Variants in CFAP47 observed in about 807,000 individuals in gnomAD.
CFAP47 encodes cilia- and flagella-associated protein 47.
Under a neutral mutation model 148.1 loss-of-function variants are expected in CFAP47, and 29 were observed. That is an observed-to-expected ratio of 0.20 (90% CI 0.15 to 0.27). The LOEUF (loss-of-function observed/expected upper bound fraction) is 0.27. Ranked by LOEUF, CFAP47 falls within the 10% of genes least tolerant of loss-of-function variation. The pLI, the probability that CFAP47 is intolerant of heterozygous loss-of-function variation, is 1.00. For synonymous variants in CFAP47, 664 were observed against 577.3 expected (o/e 1.15, Z -2.15); for missense variants, 1,872 against 1,697.5 (o/e 1.10, Z -1.81).
In CFAP47 at chrX:36,085,536, C is replaced by T. The variant is rs1569254139; in HGVS notation, c.4914C>T (p.Leu1638=). Reference sequence around the variant, plus strand: ...AACATTCCTCACTTCTGGACTTTCTCAAGTAAGTGCCTGGATGTGCTCATA... The same window carrying T: ...AACATTCCTCACTTCTGGACTTTCTTAAGTAAGTGCCTGGATGTGCTCATA... ...HLQHSSLLDF[L]NAQGGCISHV... The change falls in exon 30 of 64, where the codon CTC becomes CTT. Residue 1638 remains leucine, a splice_region_variant and synonymous_variant. Coordinates refer to ENST00000378653, the MANE Select transcript of CFAP47 (RefSeq NM_001304548.2). 1 of 1,142,295 alleles carries T rather than the reference C, an allele frequency of 8.8e-7. No individual in the cohort carries two copies. Among genetic ancestry groups the T allele is most frequent in the Admixed American group, 2.2e-5 (1 of 45,486 alleles). The allele number at this position is 1,142,295 out of a possible 1,213,427, so 94.1% of individuals were successfully genotyped here. A position where few individuals can be genotyped will look rare whatever the true frequency, so the allele number is the denominator to read the frequency against.
At chrX:35,995,850 G>T (rs1328253515) in intron 18 of CFAP47, among the ~76,000 whole-genome samples, 1 of 111,067 alleles carries the variant, frequency 9.0e-6, no homozygotes, top group East Asian at 2.8e-4. Flanking sequence ...ATTGAATAAA[G>T]GAAAATATAG....
At chrX:36,003,978 T>C (rs903823698) in intron 21 of CFAP47, among the ~76,000 whole-genome samples, 4 of 95,471 alleles carry the variant, frequency 4.2e-5, no homozygotes, top group African/African-American at 8.0e-5. Context: ...TTTTTTTTTT[T>C]TTTTTTTTTT....
chrX:36,179,320 A>C, intron 39 of CFAP47, 25 bp from the exon 40 acceptor site: 1 of 296,014 alleles, frequency 3.4e-6, no homozygotes, highest in Non-Finnish European at 5.9e-6. Context: ...TCAATTAAAA[A>C]TAATTATTTC....
intron 49 of CFAP47, among the ~76,000 whole-genome samples, chrX:36,262,376 C>A (rs186885049): frequency 9.0e-6 from 1 of 111,562 alleles, no homozygotes; most frequent in Non-Finnish European, 1.9e-5. Context: ...CCCCCACTAC[C>A]CTTCCCAGCC....
At chrX:35,963,610 A>G (rs1444192916) in intron 8 of CFAP47, among the ~76,000 whole-genome samples, 4 of 110,818 alleles carry the variant, frequency 3.6e-5, no homozygotes, top group African/African-American at 1.3e-4. Context: ...CTATTTTTCT[A>G]TTTGTTTTCT....
chrX:36,180,561 C>T (rs1426264129), intron 40 of CFAP47, among the ~76,000 whole-genome samples: 2 of 111,911 alleles, frequency 1.8e-5, no homozygotes, highest in East Asian at 5.6e-4. Flanking sequence ...CATTAGAAAC[C>T]GTTAAAGTGC....
intron 30 of CFAP47, among the ~76,000 whole-genome samples, chrX:36,093,503 G>A (rs1252879185): frequency 9.0e-6 from 1 of 110,984 alleles, no homozygotes; most frequent in African/African-American, 3.3e-5. Flanking sequence ...TTTATCTGTT[G>A]ATCAATGATG....
At chrX:36,348,053 G>A (rs935475520) in intron 57 of CFAP47, 76 bp from the exon 58 acceptor site, 6 of 530,241 alleles carry the variant, frequency 1.1e-5, no homozygotes, top group Non-Finnish European at 1.6e-5. Context: ...ATCAAATTAG[G>A]TGTTTACCTT....
intron 36 of CFAP47, among the ~76,000 whole-genome samples, chrX:36,147,770 C>T (rs1438057706): frequency 8.9e-6 from 1 of 112,417 alleles, no homozygotes. Context: ...TAATCTTTCA[C>T]CAGATTTTCA....
Position 36,236,564 on chromosome X carries a change from A to G in CFAP47, c.7159-122A>G, listed in dbSNP as rs1251917457. Reference sequence around the variant, plus strand: ...AGTTATTTGTGTATTGAAAAAGTCAATGGCTAACACCTCTCTACAAGCTCT... The same window carrying G: ...AGTTATTTGTGTATTGAAAAAGTCAGTGGCTAACACCTCTCTACAAGCTCT... On this transcript the variant is annotated intron_variant, in intron 47 of 63. Transcript: ENST00000378653. The G allele has an allele frequency of 2.0e-5, 8 of 406,968 alleles. No homozygotes were observed. The East Asian group carries it at 3.3e-4, about 17-fold the overall frequency. 33.5% of individuals were successfully genotyped at this position (406,968 alleles called of 1,213,427 possible).
chrX:36,326,357 T>G (rs1941518130), intron 57 of CFAP47, among the ~76,000 whole-genome samples: 1 of 111,079 alleles, frequency 9.0e-6, no homozygotes, highest in Non-Finnish European at 1.9e-5. Context: ...TGATTTGAAT[T>G]GTGCTATAAA....
intron 36 of CFAP47, among the ~76,000 whole-genome samples, chrX:36,145,761 C>T (rs1281045041): frequency 6.4e-5 from 7 of 110,064 alleles, no homozygotes. Context: ...CATATGTGGT[C>T]TTCAAAAGAT....
Position 36,071,922 on chromosome X carries a change from C to T in CFAP47, c.4416C>T (p.Thr1472=), listed in dbSNP as rs1458839888. 24 of 1,206,402 alleles carry T rather than the reference C, an allele frequency of 2.0e-5. No individual in the cohort carries two copies. The highest frequency in any genetic ancestry group is 2.7e-5 in the Non-Finnish European group (24 of 892,837). ...CTGCTTCAATTAAAAAGACATACAC[C>T]ACTAGCAAATTCAATGATGCTGAAC... ...PSPASIKKTY[T]TSKFNDAEPA... The change falls in exon 28 of 64, where the codon ACC becomes ACT. Residue 1472 remains threonine, a synonymous_variant. Coordinates refer to ENST00000378653, the MANE Select transcript of CFAP47 (RefSeq NM_001304548.2).
At chrX:36,340,059 G>A (rs1941640068) in intron 57 of CFAP47, among the ~76,000 whole-genome samples, 1 of 111,722 alleles carries the variant, frequency 9.0e-6, no homozygotes, top group Non-Finnish European at 1.9e-5. Context: ...ACATTAGCTA[G>A]CTCTACGAAA....
intron 15 of CFAP47, among the ~76,000 whole-genome samples, chrX:35,988,612 A>T (rs1379775927): frequency 8.9e-6 from 1 of 111,869 alleles, no homozygotes. Flanking sequence ...GATTTCTTTC[A>T]TTCCGTATCC....
intron 45 of CFAP47, among the ~76,000 whole-genome samples, chrX:36,207,484 G>A (rs1258216881): frequency 4.5e-5 from 5 of 111,058 alleles, no homozygotes; most frequent in Non-Finnish European, 9.4e-5. Flanking sequence ...TAAAAAAGTG[G>A]CTTTCTTTCC....
chrX:36,250,234 A>G (rs1021978100), intron 48 of CFAP47, among the ~76,000 whole-genome samples: 4 of 111,726 alleles, frequency 3.6e-5, no homozygotes, highest in Non-Finnish European at 5.7e-5. Flanking sequence ...TTCAGTCTTA[A>G]AACAGAAGGA....
chrX:35,960,380 G>GGAAAAAAAAAAAAAAAAAAAAAA (rs1227681980), intron 8 of CFAP47, among the ~76,000 whole-genome samples: 7 of 15,482 alleles, frequency 4.5e-4, no homozygotes, highest in African/African-American at 1.8e-3. Flanking sequence ...GCTAATTTCT[G>GGAAAAAAAAAAAAAAAAAAAAAA]AAAAAAAAAA....
intron 57 of CFAP47, among the ~76,000 whole-genome samples, chrX:36,344,309 C>CA (rs1220765837): frequency 1.0e-3 from 86 of 84,965 alleles, no homozygotes; most frequent in East Asian, 1.5e-3. Context: ...AAGTTCAGTT[C>CA]AAAAAAAAAA....
Sources: allele counts gnomAD v4.1 joint callset (sites outside exome capture counted in the v4.1 genomes callset), GRCh38; gene constraint gnomAD v4.1.1; transcripts MANE v1.5; gene names NCBI Gene and HGNC (gene_info 2026-07-23, HGNC 2026-07-21).